DLC1: variants seen among roughly 807,000 people sequenced by gnomAD.
DLC1 encodes the protein DLC1 Rho GTPase activating protein.
DLC1 carries 54 observed loss-of-function variants against 140.3 expected under a neutral mutation model. The observed-to-expected ratio is 0.38, with a 90% CI of 0.31 to 0.48. DLC1 has a LOEUF of 0.48. DLC1 is among the 20% of genes least tolerant of loss of function. DLC1 has a pLI of 0.96. For missense variants in DLC1, 2,536 were observed against 1,907.0 expected, an observed-to-expected ratio of 1.33 and a Z score of -6.14; for synonymous variants, 986 against 728.1, an observed-to-expected ratio of 1.35 and a Z score of -5.70.
chr8:13,318,662 G>A lies in DLC1; in HGVS notation c.1315-13360C>T, dbSNP rs560390037. Among the ~76,000 whole-genome samples the A allele has an allele frequency of 2.0e-5, 3 of 152,292 alleles. No homozygotes were observed. The South Asian group carries it at 6.2e-4, about 32-fold the overall frequency. On this transcript the variant is annotated intron_variant, in intron 4 of 17. Coordinates refer to ENST00000276297, the MANE Select transcript of DLC1 (RefSeq NM_182643.3). Reference sequence around the variant, plus strand: ...TAACAAACAAACAAAACACCTAGTTGGAACATGGGCTTAAAGAAGTAATTG... The same window carrying A: ...TAACAAACAAACAAAACACCTAGTTAGAACATGGGCTTAAAGAAGTAATTG...
intron 3 of DLC1, among the ~76,000 whole-genome samples, chr8:13,398,416 T>A (rs1837146611): frequency 6.6e-6 from 1 of 151,916 alleles, no homozygotes. Context: ...CACTGCTGGA[T>A]CTGTCAAATA....
At chr8:13,367,310 A>C (rs1462872732) in intron 4 of DLC1, among the ~76,000 whole-genome samples, 1 of 152,098 alleles carries the variant, frequency 6.6e-6, no homozygotes, top group African/African-American at 2.4e-5. Flanking sequence ...CAGATCATGA[A>C]CTGTGAGGAA....
intron 2 of DLC1, among the ~76,000 whole-genome samples, chr8:13,436,782 AATTT>A (rs1344703961): frequency 8.5e-5 from 13 of 152,230 alleles, no homozygotes; most frequent in African/African-American, 2.4e-4. Context: ...AAATGCATAG[AATTT>A]ATTTATTTTT....
At position 13,571,493 on chromosome 8, in the gene DLC1, C is replaced by T. The variant is rs560692677; in HGVS notation, c.-126+33044G>A. Among the ~76,000 whole-genome samples, 17 of 152,232 alleles carry T rather than the reference C, an allele frequency of 1.1e-4. 1 individual carries two copies. In the South Asian group the frequency reaches 2.5e-3, roughly 22 times the overall value. On this transcript the variant is annotated intron_variant, in intron 1 of 1. Coordinates refer to the DLC1 transcript ENST00000631382. Reference sequence around the variant, plus strand: ...TGTCATTTTGTGTCTGGCTTAGTGTCGAGGTTCATCCAAGTTGTAGCATGT... The same window carrying T: ...TGTCATTTTGTGTCTGGCTTAGTGTTGAGGTTCATCCAAGTTGTAGCATGT...
intron 2 of DLC1, among the ~76,000 whole-genome samples, chr8:13,402,413 C>G (rs57391369): frequency 0.011 from 1,605 of 152,178 alleles, 27 homozygotes; most frequent in African/African-American, 0.037. Context: ...CTTCCAGATT[C>G]CCTGTGTTGT....
rs1177198071 is a variant in DLC1 at position 13,335,495 on chromosome 8, C to T, written c.1315-30193G>A. On this transcript the variant is annotated intron_variant, in intron 4 of 17. Coordinates refer to ENST00000276297, the MANE Select transcript of DLC1 (RefSeq NM_182643.3). Reference sequence around the variant, plus strand: ...TCAGCTCATATTTATCGTCAAGGCACGAGACTTCCTGATGCAGAGTGGAAG... The same window carrying T: ...TCAGCTCATATTTATCGTCAAGGCATGAGACTTCCTGATGCAGAGTGGAAG... Among the ~76,000 whole-genome samples the T allele has an allele frequency of 3.9e-5, 6 of 152,108 alleles. No homozygotes were observed. In the East Asian group the frequency reaches 5.8e-4, roughly 15 times the overall value.
At chr8:13,247,543 C>T (rs1306538998) in intron 5 of DLC1, among the ~76,000 whole-genome samples, 1 of 152,088 alleles carries the variant, frequency 6.6e-6, no homozygotes, top group Non-Finnish European at 1.5e-5. Flanking sequence ...GACACCAAAG[C>T]CCAGAGAGGT....
At position 13,098,579 on chromosome 8, in the gene DLC1, C is replaced by T. The variant is rs199980849; in HGVS notation, c.2991-4G>A. 381 of 1,612,004 alleles carry T rather than the reference C, an allele frequency of 2.4e-4. 1 individual carries two copies. Among genetic ancestry groups the T allele is most frequent in the Non-Finnish European group, 3.0e-4 (354 of 1,179,078 alleles). On this transcript the variant is annotated splice_region_variant and splice_polypyrimidine_tract_variant and intron_variant, in intron 9 of 17. Coordinates refer to ENST00000276297, the MANE Select transcript of DLC1 (RefSeq NM_182643.3). ...ACTGTGCCATCTCAGTCGGTGCCTG[C>T]GAGAGAAGAGGAGAGGAAAATGAGT...
At chr8:13,257,949 G>C (rs573247319) in intron 5 of DLC1, among the ~76,000 whole-genome samples, 2 of 152,130 alleles carry the variant, frequency 1.3e-5, no homozygotes, top group Non-Finnish European at 2.9e-5. Context: ...AATTATAAGC[G>C]GGAAGTCATC....
At chr8:13,260,549 T>C (rs1830433612) in intron 5 of DLC1, among the ~76,000 whole-genome samples, 1 of 151,994 alleles carries the variant, frequency 6.6e-6, no homozygotes, top group Admixed American at 6.6e-5. Flanking sequence ...ATGATACCCA[T>C]CTACTGGAAA....
chr8:13,472,984 A>G (rs1800280466), intron 2 of DLC1, among the ~76,000 whole-genome samples: 1 of 152,222 alleles, frequency 6.6e-6, no homozygotes, highest in Non-Finnish European at 1.5e-5. Context: ...AAAAAAAGAA[A>G]TATCTACCTT....
At position 13,100,370 on chromosome 8, in the gene DLC1, T is replaced by C; in HGVS notation, c.1967A>G (p.His656Arg). 2 of 1,614,206 alleles carry C rather than the reference T, an allele frequency of 1.2e-6. No individual in the cohort carries two copies. The highest frequency in any genetic ancestry group is 1.7e-6 in the Non-Finnish European group (2 of 1,180,040). ...CGTCTTGGACTTGGCAGTTTTTTCG[T>C]GGCCTTTCATGCTGAAGCTGAAGCT... ...LSSFSFSMKG[H>R]EKTAKSKTRS... The change falls in exon 9 of 18, where the codon CAC becomes CGC. Residue 656 changes from histidine to arginine, a missense_variant. Transcript: ENST00000276297.
rs557423876 is a variant in DLC1, at chr8:13,382,529, A to AAAAAGAAAG, written c.1314+11023_1314+11024insCTTTCTTTT. ...TCAAAAAAAAAAAAAAAAAAAAAAAAAAAGAAAGAGGAGACAGATAAGCTA... is the reference window on the plus strand; with the variant it reads ...TCAAAAAAAAAAAAAAAAAAAAAAAAAAAAGAAAGAAAGAAAGAGGAGACAGATAAGCTA... On this transcript the variant is annotated intron_variant, in intron 4 of 17. Transcript: ENST00000276297. Among the ~76,000 whole-genome samples the AAAAAGAAAG allele has an allele frequency of 1.0e-3, 112 of 109,446 alleles. 7 individuals are homozygous for AAAAAGAAAG. The highest frequency in any genetic ancestry group is 2.7e-3 in the African/African-American group (76 of 28,192). 71.8% of individuals were successfully genotyped at this position (109,446 alleles called of 152,430 possible). A position where few individuals can be genotyped will look rare whatever the true frequency, so the allele number is the denominator to read the frequency against.
At chr8:13,385,851 T>C (rs141567388) in intron 4 of DLC1, among the ~76,000 whole-genome samples, 176 of 152,330 alleles carry the variant, frequency 1.2e-3, no homozygotes, top group African/African-American at 3.8e-3. Context: ...ACAGAATTAA[T>C]TATCAATCTG....
rs182595806 is a variant in DLC1, at chr8:13,120,316, C to G, written c.1349-4659G>C. ...TGAGATTGGGTCACTGCACTCCAAC[C>G]TGGATGACAGAAAGAGACTCCGTCG... On this transcript the variant is annotated intron_variant, in intron 5 of 17. Transcript: ENST00000276297. Among the ~76,000 whole-genome samples, 301 of 116,416 alleles carry G rather than the reference C, an allele frequency of 2.6e-3. 2 individuals carry two copies. Among genetic ancestry groups the G allele is most frequent in the African/African-American group, 8.9e-3 (278 of 31,256 alleles). 76.4% of individuals were successfully genotyped at this position (116,416 alleles called of 152,430 possible). A position where few individuals can be genotyped will look rare whatever the true frequency, so the allele number is the denominator to read the frequency against.
chr8:13,153,571 G>A (rs981693078), intron 5 of DLC1, among the ~76,000 whole-genome samples: 1 of 152,194 alleles, frequency 6.6e-6, no homozygotes, highest in African/African-American at 2.4e-5. Context: ...ACATCCTGCT[G>A]ATTGGTCCAT....
intron 6 of DLC1, 92 bp downstream of exon 6, chr8:13,115,494 A>G (rs921214588): frequency 1.7e-6 from 2 of 1,194,718 alleles, no homozygotes; most frequent in East Asian, 5.0e-5. Flanking sequence ...TTTAAACGAT[A>G]AAACTGCTGA....
chr8:13,376,434 C>T (rs1301122210), intron 4 of DLC1, among the ~76,000 whole-genome samples: 1 of 152,072 alleles, frequency 6.6e-6, no homozygotes, highest in African/African-American at 2.4e-5. Context: ...TGGTTGACTC[C>T]CGGAATCCCA....
chr8:13,318,191 A>AT (rs1168668658), intron 4 of DLC1, among the ~76,000 whole-genome samples: 6 of 148,922 alleles, frequency 4.0e-5, no homozygotes, highest in Middle Eastern at 3.4e-3. Context: ...CACTCAGCTA[A>AT]TTAAAATTTT....
Sources: gnomAD v4.1 joint callset for allele counts (sites outside exome capture counted in the v4.1 genomes callset) on GRCh38, gnomAD v4.1.1 for gene constraint, MANE v1.5 for transcripts, NCBI Gene and HGNC (gene_info 2026-07-23, HGNC 2026-07-21) for gene names.